The following KIAA1217 variants were observed in gnomAD, a reference collection of about 807,000 sequenced individuals.
The protein encoded by KIAA1217 is KIAA1217.
KIAA1217 carries 88 observed loss-of-function variants against 163.9 expected under a neutral mutation model. The ratio of observed to expected loss-of-function variants is 0.54; its 90% CI spans 0.45 to 0.64. The LOEUF is 0.64. Ranked by LOEUF, KIAA1217 falls within the 30% of genes least tolerant of loss-of-function variation. KIAA1217 has a pLI of 0.00. For missense variants in KIAA1217, 2,372 were observed against 2,475.0 expected (o/e 0.96, Z 0.88); for synonymous variants, 903 against 923.1 (o/e 0.98, Z 0.39).
At chr10:23,789,888 ATATAT>A (rs1835658990) in intron 1 of KIAA1217, among the ~76,000 whole-genome samples, 2 of 148,944 alleles carry the variant, frequency 1.3e-5, no homozygotes, top group African/African-American at 5.0e-5. Flanking sequence ...TATATATATC[ATATAT>A]ATGATATATA....
intron 1 of KIAA1217, among the ~76,000 whole-genome samples, chr10:23,714,704 G>T (rs1160187760): frequency 6.6e-6 from 1 of 151,978 alleles, no homozygotes; most frequent in Non-Finnish European, 1.5e-5. Context: ...ATTCTGTTTT[G>T]TGAAAAGGCC....
At chr10:23,818,000 TATATATATAC>T (rs1195906489) in intron 1 of KIAA1217, among the ~76,000 whole-genome samples, 62 of 103,212 alleles carry the variant, frequency 6.0e-4, no homozygotes, top group African/African-American at 2.0e-3. Context: ...TATATATATA[TATATATATAC>T]ACACATATAT....
At chr10:24,103,695 C>T (rs1367544984) in intron 2 of KIAA1217, among the ~76,000 whole-genome samples, 1 of 151,888 alleles carries the variant, frequency 6.6e-6, no homozygotes, top group Admixed American at 6.6e-5. Flanking sequence ...GAGATACCAC[C>T]ACACACCTAT....
chr10:23,830,948 G>A (rs1713518676), intron 1 of KIAA1217, among the ~76,000 whole-genome samples: 1 of 152,016 alleles, frequency 6.6e-6, no homozygotes, highest in South Asian at 2.1e-4. Flanking sequence ...AATGCCCACA[G>A]GTATTGAGTA....
rs1269446261 is a variant in KIAA1217, at chr10:24,374,708, A to G, written c.355-6161A>G. Among the ~76,000 whole-genome samples, 4 of 152,214 alleles carry G rather than the reference A, an allele frequency of 2.6e-5. No homozygotes were observed. The East Asian group carries it at 7.7e-4, about 29-fold the overall frequency. ...TCATTCAGATTTTGCTTTTCTGTCC[A>G]TAAGCCACAGAAGCCGTGGGAAGTT... On this transcript the variant is annotated intron_variant, in intron 2 of 20. Transcript: ENST00000376454.
intron 2 of KIAA1217, among the ~76,000 whole-genome samples, chr10:24,068,131 G>T (rs552897989): frequency 4.7e-4 from 72 of 152,278 alleles, no homozygotes; most frequent in Non-Finnish European, 8.2e-4. Context: ...CTCATGCATG[G>T]TGCACTGCAC....
chr10:23,783,421 C>T (rs1835349225), intron 1 of KIAA1217, among the ~76,000 whole-genome samples: 1 of 152,174 alleles, frequency 6.6e-6, no homozygotes, highest in South Asian at 2.1e-4. Flanking sequence ...GCTGCTGACT[C>T]ATGGTGTATA....
intron 5 of KIAA1217, among the ~76,000 whole-genome samples, chr10:24,440,811 A>C (rs1289936385): frequency 6.6e-6 from 1 of 152,252 alleles, no homozygotes; most frequent in Non-Finnish European, 1.5e-5. Flanking sequence ...CAGATTACTT[A>C]GAAATGAGAA....
chr10:24,340,120 C>A lies in KIAA1217; in HGVS notation c.355-40749C>A, dbSNP rs144730965. ...GGGACTGGGTAGGAGAATGGCTAGACTGACAGCCCTGTGATTTGGCCCTTT... is the reference window on the plus strand; with the variant it reads ...GGGACTGGGTAGGAGAATGGCTAGAATGACAGCCCTGTGATTTGGCCCTTT... On this transcript the variant is annotated intron_variant, in intron 2 of 20. Transcript: ENST00000376454. 2.1e-4 allele frequency among the ~76,000 whole-genome samples: 32 copies of A among 152,342 alleles called. No individual in the cohort carries two copies. The East Asian group carries it at 6.2e-3, about 29-fold the overall frequency.
intron 2 of KIAA1217, among the ~76,000 whole-genome samples, chr10:24,021,553 A>C (rs761568370): frequency 6.6e-6 from 1 of 151,982 alleles, no homozygotes; most frequent in East Asian, 1.9e-4. Context: ...TGTAATACCA[A>C]TGCAAATCCC....
At chr10:24,348,878 G>A (rs2048120643) in intron 2 of KIAA1217, among the ~76,000 whole-genome samples, 2 of 152,146 alleles carry the variant, frequency 1.3e-5, no homozygotes, top group African/African-American at 4.8e-5. Flanking sequence ...TGGGCACAGT[G>A]GCTCCTGACT....
Position 24,245,118 on chromosome 10 carries a change from T to A in KIAA1217, c.354+25209T>A, listed in dbSNP as rs148069946. On this transcript the variant is annotated intron_variant, in intron 2 of 20. Transcript: ENST00000376454. ...TGGTGGCCCCTTGCAGCACCGGGAG[T>A]CTATATGGCGGTCTAACTTCGCACC... is the stretch of plus-strand genomic sequence containing the variant. Among the ~76,000 whole-genome samples the A allele has an allele frequency of 1.2e-3, 182 of 151,780 alleles. 1 individual carries two copies. Among genetic ancestry groups the A allele is most frequent in the African/African-American group, 4.3e-3 (179 of 41,366 alleles).
intron 2 of KIAA1217, among the ~76,000 whole-genome samples, chr10:24,253,589 C>A (rs530044501): frequency 6.6e-6 from 1 of 152,124 alleles, no homozygotes; most frequent in East Asian, 1.9e-4. Flanking sequence ...CTCCTTAGCC[C>A]AGTGTGTAGG....
intron 2 of KIAA1217, among the ~76,000 whole-genome samples, chr10:24,101,222 A>T (rs75045273): frequency 0.044 from 6,633 of 152,320 alleles, 193 homozygotes; most frequent in Middle Eastern, 0.075. Context: ...AGCATACATT[A>T]TTGCAGAAAC....
In KIAA1217 at chr10:24,388,317, T is replaced by A. The variant is rs1381554837; in HGVS notation, c.553+7250T>A. On this transcript the variant is annotated intron_variant, in intron 3 of 20. Coordinates refer to ENST00000376454, the MANE Select transcript of KIAA1217 (RefSeq NM_019590.5). Reference sequence around the variant, plus strand: ...CAAGCAATGGGGAAAGGATTCCCTATTTATTTAATAAATGGTGCCGGGAAA... The same window carrying A: ...CAAGCAATGGGGAAAGGATTCCCTAATTATTTAATAAATGGTGCCGGGAAA... Among the ~76,000 whole-genome samples the A allele has an allele frequency of 3.9e-5, 6 of 152,310 alleles. No homozygotes were observed. In the Middle Eastern group the frequency reaches 0.01, roughly 259 times the overall value.
At chr10:24,378,805 G>A (rs2052889494) in intron 2 of KIAA1217, among the ~76,000 whole-genome samples, 2 of 152,108 alleles carry the variant, frequency 1.3e-5, no homozygotes, top group Non-Finnish European at 2.9e-5. Flanking sequence ...CAGTGAGAAC[G>A]TGAATAACAA....
rs939846720 is a variant in KIAA1217, at chr10:24,544,982, G to C, written c.5213G>C (p.Gly1738Ala). 4 of 1,613,736 alleles carry C rather than the reference G, an allele frequency of 2.5e-6. No individual in the cohort carries two copies. Among genetic ancestry groups the C allele is most frequent in the South Asian group, 1.1e-5 (1 of 91,046 alleles). ...PTSIPSASRK[G>A]SSGAPQTSRM... ...CCCTCTCACTGGTCCTTCCCACAGGGCTCCAGCGGGGCCCCACAGACGAGC... is the reference window on the plus strand; with the variant it reads ...CCCTCTCACTGGTCCTTCCCACAGGCCTCCAGCGGGGCCCCACAGACGAGC... Residue 1738 changes from glycine to alanine, a missense_variant and splice_region_variant, in exon 20 of 21, where the codon GGC (glycine) becomes GCC (alanine). By Grantham distance (60) the Gly-to-Ala change is moderately conservative. Coordinates refer to ENST00000376454, the MANE Select transcript of KIAA1217 (RefSeq NM_019590.5).
At chr10:23,892,622 G>A (rs1440026868) in intron 1 of KIAA1217, among the ~76,000 whole-genome samples, 1 of 151,906 alleles carries the variant, frequency 6.6e-6, no homozygotes, top group Non-Finnish European at 1.5e-5. Flanking sequence ...TTCCTCCAGG[G>A]AGGAGAAATC....
chr10:23,880,125 G>A (rs1840885385), intron 1 of KIAA1217, among the ~76,000 whole-genome samples: 1 of 151,864 alleles, frequency 6.6e-6, no homozygotes, highest in Non-Finnish European at 1.5e-5. Context: ...AGCATGGTAT[G>A]AAATACACAT....
Sources: allele counts gnomAD v4.1 joint callset (sites outside exome capture counted in the v4.1 genomes callset), GRCh38; gene constraint gnomAD v4.1.1; transcripts MANE v1.5; gene names NCBI Gene and HGNC (gene_info 2026-07-23, HGNC 2026-07-21).